DAB1: variants seen among roughly 807,000 people sequenced by gnomAD.
DAB1 encodes the protein DAB adaptor protein 1, also known as disabled homolog 1.
In DAB1, 15 loss-of-function variants were observed where a neutral mutation model predicts 64.6. That is an observed-to-expected ratio of 0.23 (90% CI 0.16 to 0.36). The LOEUF (loss-of-function observed/expected upper bound fraction) is 0.36, where lower values mean the gene tolerates loss of function less well. Ranked by LOEUF, DAB1 falls within the 10% of genes least tolerant of loss-of-function variation. DAB1 has a pLI of 1.00. For missense variants in DAB1, 596 were observed against 706.7 expected, an observed-to-expected ratio of 0.84 and a Z score of 1.78; for synonymous variants, 235 against 251.9, an observed-to-expected ratio of 0.93 and a Z score of 0.64.
intron 3 of DAB1, among the ~76,000 whole-genome samples, chr1:57,139,395 C>T (rs1372708133): frequency 6.6e-6 from 1 of 152,196 alleles, no homozygotes; most frequent in Non-Finnish European, 1.5e-5. Context: ...CTGCTGGCCC[C>T]TTGATCCTGG....
intron 2 of DAB1, among the ~76,000 whole-genome samples, chr1:57,214,989 G>A (rs1253594236): frequency 6.6e-6 from 1 of 151,598 alleles, no homozygotes; most frequent in Non-Finnish European, 1.5e-5. Flanking sequence ...AATTGCTGAA[G>A]GATTCATTAA....
At chr1:57,627,768 TA>T (rs1445396298) in intron 7 of DAB1, among the ~76,000 whole-genome samples, 1 of 152,204 alleles carries the variant, frequency 6.6e-6, no homozygotes, top group East Asian at 1.9e-4. Flanking sequence ...ATTTACTGAG[TA>T]AATGCATTGC....
At chr1:58,472,321 C>T (rs1645368352) in intron 3 of DAB1, among the ~76,000 whole-genome samples, 1 of 152,216 alleles carries the variant, frequency 6.6e-6, no homozygotes, top group Admixed American at 6.5e-5. Context: ...AGTTCTTCCT[C>T]ATCTGTCTTC....
chr1:58,156,182 TA>T (rs1655219579), intron 4 of DAB1, among the ~76,000 whole-genome samples: 1 of 152,256 alleles, frequency 6.6e-6, no homozygotes, highest in African/African-American at 2.4e-5. Flanking sequence ...TTCCCACTCT[TA>T]TCTCACTTTA....
intron 7 of DAB1, among the ~76,000 whole-genome samples, chr1:57,514,916 G>T (rs1644446368): frequency 6.6e-6 from 1 of 152,004 alleles, no homozygotes; most frequent in African/African-American, 2.4e-5. Context: ...TTATGTACAA[G>T]GTATTTAAAA....
At chr1:58,450,237 G>A (rs1369540721) in intron 3 of DAB1, among the ~76,000 whole-genome samples, 2 of 152,196 alleles carry the variant, frequency 1.3e-5, no homozygotes, top group Admixed American at 1.3e-4. Flanking sequence ...AGAGCAAACT[G>A]TTGGTGAATT....
At chr1:57,836,900 G>T (rs757954670) in intron 1 of DAB1, among the ~76,000 whole-genome samples, 15 of 152,056 alleles carry the variant, frequency 9.9e-5, no homozygotes, top group Non-Finnish European at 1.8e-4. Flanking sequence ...CGGCCCCCTA[G>T]ACATGCTTTG....
chr1:58,537,955 G>A (rs11808438), intron 1 of DAB1, among the ~76,000 whole-genome samples: 2 of 151,990 alleles, frequency 1.3e-5, no homozygotes, highest in Non-Finnish European at 1.5e-5. Flanking sequence ...AAGAGCATCC[G>A]AAGAACCTGG....
intron 1 of DAB1, among the ~76,000 whole-genome samples, chr1:57,395,775 ATAGAGGC>A (rs1682758129): frequency 2.6e-5 from 1 of 37,834 alleles, no homozygotes; most frequent in Non-Finnish European, 6.2e-5. Context: ...ATTCTTAAGT[ATAGAGGC>A]TCCCATGGCT....
intron 4 of DAB1, among the ~76,000 whole-genome samples, chr1:57,115,041 C>A (rs191694956): frequency 7.5e-4 from 114 of 152,272 alleles, no homozygotes; most frequent in African/African-American, 2.7e-3. Context: ...CCATCCTCAA[C>A]ACACCCTAGT....
chr1:57,033,316 G>T, intron 9 of DAB1: 2 of 1,494,136 alleles, frequency 1.3e-6, no homozygotes, highest in South Asian at 1.1e-5. Context: ...ATGCAAGCTG[G>T]ATGAAGAGAA....
chr1:57,726,800 C>A (rs1184901069), intron 6 of DAB1, among the ~76,000 whole-genome samples: 1 of 152,178 alleles, frequency 6.6e-6, no homozygotes, highest in Non-Finnish European at 1.5e-5. Context: ...TGAACCCAGG[C>A]AACCTGGCTG....
At chr1:57,818,507 AG>A (rs1196530307) in intron 6 of DAB1, among the ~76,000 whole-genome samples, 20 of 152,186 alleles carry the variant, frequency 1.3e-4, no homozygotes, top group African/African-American at 4.6e-4. Context: ...TAATATTGAC[AG>A]TAATGCTAAT....
chr1:57,632,034 G>C (rs976043200), intron 7 of DAB1, among the ~76,000 whole-genome samples: 5 of 152,196 alleles, frequency 3.3e-5, no homozygotes, highest in African/African-American at 1.2e-4. Flanking sequence ...GGCTTCTGAG[G>C]GAACAGTCTA....
intron 7 of DAB1, among the ~76,000 whole-genome samples, chr1:57,641,150 C>A (rs1646122384): frequency 6.6e-6 from 1 of 152,028 alleles, no homozygotes; most frequent in African/African-American, 2.4e-5. Flanking sequence ...ACAAAATGAG[C>A]AAATTGAGGC....
intron 6 of DAB1, among the ~76,000 whole-genome samples, chr1:57,813,080 A>T (rs924062675): frequency 6.6e-6 from 1 of 152,266 alleles, no homozygotes; most frequent in African/African-American, 2.4e-5. Flanking sequence ...TATGTATATC[A>T]TATATATCAT....
chr1:57,398,511 AT>A (rs1211131986), intron 1 of DAB1, among the ~76,000 whole-genome samples: 2 of 152,100 alleles, frequency 1.3e-5, no homozygotes, highest in Non-Finnish European at 2.9e-5. Flanking sequence ...GTTTCGGAAT[AT>A]TTTTCTCCCC....
At chr1:57,673,814 C>T (rs1646534383) in intron 6 of DAB1, among the ~76,000 whole-genome samples, 1 of 152,128 alleles carries the variant, frequency 6.6e-6, no homozygotes, top group African/African-American at 2.4e-5. Context: ...TAGTCATAGA[C>T]TAATTAGTCT....
chr1:58,228,755 G>T, intron 4 of DAB1: 3 of 938,904 alleles, frequency 3.2e-6, no homozygotes, highest in South Asian at 2.6e-5. Flanking sequence ...CCACGTTGAT[G>T]GCATAGGTGG....
Sources: allele counts gnomAD v4.1 joint callset (sites outside exome capture counted in the v4.1 genomes callset), GRCh38; gene constraint gnomAD v4.1.1; transcripts MANE v1.5; gene names NCBI Gene and HGNC (gene_info 2026-07-23, HGNC 2026-07-21).